The following MEF2C variants were observed in gnomAD, a reference collection of about 807,000 sequenced individuals.
MEF2C encodes myocyte enhancer factor 2C, also known as myocyte-specific enhancer factor 2C.
In MEF2C, 6 loss-of-function variants were observed where a neutral mutation model predicts 50.5. The observed-to-expected ratio is 0.12, with a 90% CI of 0.07 to 0.23. The LOEUF is 0.23. Ranked by LOEUF, MEF2C falls within the 10% of genes least tolerant of loss-of-function variation. The pLI is 1.00. For synonymous variants in MEF2C, 183 were observed against 228.0 expected (o/e 0.80, Z 1.78); for missense variants, 276 against 605.0 (o/e 0.46, Z 5.70).
intron 3 of MEF2C, chr5:88,768,689 T>G (rs1781075489): frequency 2.0e-6 from 2 of 985,154 alleles, no homozygotes; most frequent in South Asian, 4.7e-5. Context: ...CAGAAAAGAA[T>G]GTTCAAATGT....
At chr5:88,892,113 T>C (rs1209708919) in intron 1 of MEF2C, 1 of 152,234 alleles carries the variant, frequency 6.6e-6, no homozygotes, top group Non-Finnish European at 1.5e-5. Flanking sequence ...TTCAGCATTC[T>C]TCCCATTCTC....
chr5:88,738,606 G>A (rs910684890), intron 6 of MEF2C: 2 of 984,606 alleles, frequency 2.0e-6, no homozygotes, highest in African/African-American at 3.5e-5. Context: ...ACACTACACT[G>A]CTCCTTCAGA....
chr5:88,758,203 C>T (rs1387490810), intron 4 of MEF2C, among the ~76,000 whole-genome samples: 6 of 152,200 alleles, frequency 3.9e-5, no homozygotes, highest in Non-Finnish European at 8.8e-5. Context: ...TTATTTCTCT[C>T]TCTTCACAGC....
chr5:88,718,199 CA>C lies in MEF2C; in HGVS notation c.*4404del, dbSNP rs1296154505. ...CACAATAAAATTGAATAAATTTAAA[CA>C]GCAAAACATTAATTTAAAAAAATGC... On this transcript the variant is annotated 3_prime_UTR_variant, in exon 11 of 11. Transcript: ENST00000504921. 1 of 152,152 alleles carries C rather than the reference CA, an allele frequency of 6.6e-6. No homozygotes were observed. The highest frequency in any genetic ancestry group is 1.5e-5 in the Non-Finnish European group (1 of 68,022). The allele number at this position is 152,152 out of a possible 1,614,324, so 9.4% of individuals were successfully genotyped here. A position where few individuals can be genotyped will look rare whatever the true frequency, so the allele number is the denominator to read the frequency against.
At chr5:88,724,502 C>G (rs34321) in intron 10 of MEF2C, among the ~76,000 whole-genome samples, 70,764 of 151,930 alleles carry the variant, frequency 0.47, 18,611 homozygotes, top group East Asian at 0.59. Flanking sequence ...TAATAAGCGT[C>G]TCTTTCTCTA....
At chr5:88,792,293 C>A (rs886504039) in intron 3 of MEF2C, among the ~76,000 whole-genome samples, 1 of 152,060 alleles carries the variant, frequency 6.6e-6, no homozygotes, top group Non-Finnish European at 1.5e-5. Flanking sequence ...CCCTGTCAGC[C>A]TGGACAACTT....
chr5:88,832,833 A>G (rs145738726), intron 1 of MEF2C, among the ~76,000 whole-genome samples: 66 of 152,294 alleles, frequency 4.3e-4, no homozygotes, highest in Non-Finnish European at 3.5e-4. Flanking sequence ...TTATATATAT[A>G]TGCTAATTAT....
intron 1 of MEF2C, chr5:88,825,474 G>T (rs1810460540): frequency 2.0e-6 from 2 of 982,766 alleles, no homozygotes; most frequent in Non-Finnish European, 2.4e-6. Context: ...AAAAACTATT[G>T]CTCCAGCTGT....
intron 1 of MEF2C, chr5:88,843,234 T>TAA (rs895815640): frequency 3.2e-6 from 2 of 617,252 alleles, no homozygotes; most frequent in Middle Eastern, 8.3e-4. Flanking sequence ...AATTCTATGG[T>TAA]AAAAAAAAAA....
At chr5:88,788,199 T>A (rs28712135) in intron 3 of MEF2C, among the ~76,000 whole-genome samples, 70 of 151,196 alleles carry the variant, frequency 4.6e-4, no homozygotes, top group East Asian at 1.9e-3. Context: ...TATTTATTTA[T>A]TTATTTATTT....
intron 1 of MEF2C, among the ~76,000 whole-genome samples, chr5:88,863,814 ATTTC>A (rs1188212863): frequency 2.7e-5 from 4 of 146,582 alleles, no homozygotes; most frequent in African/African-American, 5.0e-5. Context: ...AAATGACAGA[ATTTC>A]TTTTTCTTTT....
intron 2 of MEF2C, among the ~76,000 whole-genome samples, chr5:88,816,661 G>C (rs776333651): frequency 6.6e-6 from 1 of 151,566 alleles, no homozygotes; most frequent in East Asian, 1.9e-4. Flanking sequence ...TTTTAAGAAG[G>C]CATCCCCAAT....
intron 1 of MEF2C, among the ~76,000 whole-genome samples, chr5:88,893,016 T>C (rs1172506033): frequency 2.0e-5 from 3 of 152,186 alleles, no homozygotes; most frequent in Non-Finnish European, 2.9e-5. Flanking sequence ...TACAGCTGTG[T>C]TAGGGGACTG....
chr5:88,737,695 A>G, intron 6 of MEF2C: 1 of 985,214 alleles, frequency 1.0e-6, no homozygotes, highest in Non-Finnish European at 1.2e-6. Flanking sequence ...AATGCAGGAC[A>G]GAGAGATCTC....
intron 6 of MEF2C, chr5:88,736,688 T>C: frequency 1.0e-6 from 1 of 985,392 alleles, no homozygotes; most frequent in Non-Finnish European, 1.2e-6. Context: ...GAAGTCTTTC[T>C]GAACTGCTAC....
chr5:88,883,694 C>G (rs1019892868), upstream of MEF2C: 1 of 152,104 alleles, frequency 6.6e-6, no homozygotes, highest in Admixed American at 6.5e-5. Flanking sequence ...CTCTCTCCCC[C>G]ACAATCCCAA....
intron 1 of MEF2C, among the ~76,000 whole-genome samples, chr5:88,900,150 T>C (rs535437505): frequency 1.3e-5 from 2 of 152,100 alleles, no homozygotes; most frequent in African/African-American, 4.8e-5. Context: ...AAGACAAATA[T>C]TTGGCTTGAA....
chr5:88,825,061 T>C (rs958330030), intron 1 of MEF2C: 1 of 151,930 alleles, frequency 6.6e-6, no homozygotes, highest in African/African-American at 2.4e-5. Context: ...AATTTCCCTG[T>C]TTATTTTAGC....
intron 6 of MEF2C, chr5:88,733,390 T>C: frequency 7.1e-6 from 7 of 983,130 alleles, no homozygotes; most frequent in African/African-American, 1.8e-5. Context: ...CTAAAAGTCC[T>C]TGGGTTTATA....
Sources: allele counts gnomAD v4.1 joint callset (sites outside exome capture counted in the v4.1 genomes callset), GRCh38; gene constraint gnomAD v4.1.1; transcripts MANE v1.5; gene names NCBI Gene and HGNC (gene_info 2026-07-23, HGNC 2026-07-21).